The following SLC16A12 variants were observed in gnomAD, a reference collection of about 807,000 sequenced individuals.
SLC16A12 encodes monocarboxylate transporter 12.
A neutral mutation model predicts 42.4 loss-of-function variants in SLC16A12; 17 were observed. That is an observed-to-expected ratio of 0.40 (90% confidence interval 0.27 to 0.60). The LOEUF (loss-of-function observed/expected upper bound fraction) is 0.60. Among genes scored for constraint, SLC16A12 ranks in the 20% least tolerant of loss-of-function variants. SLC16A12 has a pLI of 0.42. For missense variants in SLC16A12, 544 were observed against 623.0 expected (o/e 0.87, Z 1.35); for synonymous variants, 224 against 229.4 (o/e 0.98, Z 0.21).
intron 5 of SLC16A12, among the ~76,000 whole-genome samples, chr10:89,440,533 C>T (rs1841889376): frequency 1.3e-5 from 2 of 152,198 alleles, no homozygotes; most frequent in Non-Finnish European, 2.9e-5. Context: ...CCATTGCAGT[C>T]CCACAATCCT....
chr10:89,537,601 A>G (rs566303209), upstream of SLC16A12, among the ~76,000 whole-genome samples: 1 of 152,344 alleles, frequency 6.6e-6, no homozygotes, highest in South Asian at 2.1e-4. Flanking sequence ...AGAGGCTGCC[A>G]TGAGTGAGCC....
chr10:89,506,584 A>G (rs1380883406), intron 2 of SLC16A12, among the ~76,000 whole-genome samples: 1 of 152,212 alleles, frequency 6.6e-6, no homozygotes, highest in Non-Finnish European at 1.5e-5. Context: ...CCAACATCAA[A>G]GACCAAAGGT....
At chr10:89,527,198 C>T (rs956695528) in intron 2 of SLC16A12, among the ~76,000 whole-genome samples, 4 of 151,932 alleles carry the variant, frequency 2.6e-5, no homozygotes, top group African/African-American at 9.7e-5. Flanking sequence ...AAATAAGGGG[C>T]TGAGTAGGGC....
chr10:89,433,416 A>C, intron 7 of SLC16A12, 90 bp from the exon 8 acceptor site: 1 of 1,314,240 alleles, frequency 7.6e-7, no homozygotes. Context: ...AAGGATAATA[A>C]TAGATCGATA....
At chr10:89,544,119 T>C (rs956539244) in intron 2 of SLC16A12, among the ~76,000 whole-genome samples, 2 of 152,230 alleles carry the variant, frequency 1.3e-5, no homozygotes, top group Non-Finnish European at 2.9e-5. Context: ...AAGCATCTAC[T>C]ATGAACAAAG....
chr10:89,476,030 T>C (rs147620571), intron 2 of SLC16A12, among the ~76,000 whole-genome samples: 1 of 152,366 alleles, frequency 6.6e-6, no homozygotes, highest in African/African-American at 2.4e-5. Flanking sequence ...AATAGGGTTC[T>C]GGTATAACAT....
chr10:89,456,524 T>A (rs983828278), intron 3 of SLC16A12, among the ~76,000 whole-genome samples: 5 of 152,168 alleles, frequency 3.3e-5, no homozygotes, highest in Admixed American at 3.3e-4. Context: ...ATTCTTTTTT[T>A]TTCATTTTTT....
intron 2 of SLC16A12, among the ~76,000 whole-genome samples, chr10:89,471,991 A>T (rs1842501995): frequency 6.6e-6 from 1 of 152,048 alleles, no homozygotes; most frequent in Admixed American, 6.6e-5. Context: ...TATTATTGGG[A>T]TACAGGAATA....
intron 2 of SLC16A12, among the ~76,000 whole-genome samples, chr10:89,474,181 T>C (rs1174777405): frequency 3.9e-5 from 6 of 152,226 alleles, no homozygotes; most frequent in Non-Finnish European, 7.3e-5. Flanking sequence ...TGGAGATCTC[T>C]GTGTATGCCT....
chr10:89,459,645 CA>C (rs1250191592), intron 3 of SLC16A12, among the ~76,000 whole-genome samples: 1 of 151,982 alleles, frequency 6.6e-6, no homozygotes, highest in Admixed American at 6.6e-5. Context: ...TCCTACTAGA[CA>C]AAAAGAAATG....
intron 2 of SLC16A12, among the ~76,000 whole-genome samples, chr10:89,500,075 A>G (rs1325582362): frequency 6.6e-6 from 1 of 152,062 alleles, no homozygotes; most frequent in Non-Finnish European, 1.5e-5. Flanking sequence ...CTGGAAAGAT[A>G]CAACCTCCTA....
chr10:89,433,879 G>A (rs1841734837), intron 7 of SLC16A12, among the ~76,000 whole-genome samples: 2 of 151,918 alleles, frequency 1.3e-5, no homozygotes. Flanking sequence ...ATCTCTTGTT[G>A]CAACAAATTA....
chr10:89,463,601 C>T (rs983988116), intron 2 of SLC16A12, among the ~76,000 whole-genome samples: 1 of 151,758 alleles, frequency 6.6e-6, no homozygotes, highest in African/African-American at 2.4e-5. Context: ...TAAAACAAAC[C>T]AAGATAAAAA....
Position 89,433,082 on chromosome 10 carries a change from AGGCACT to A in SLC16A12, c.1527_1532del (p.Val510_Pro511del). 2 of 1,614,184 alleles carry A rather than the reference AGGCACT, an allele frequency of 1.2e-6. No homozygotes were observed. The highest frequency in any genetic ancestry group is 1.7e-6 in the Non-Finnish European group (2 of 1,180,008). On this transcript the variant is annotated inframe_deletion, in exon 8 of 8. Coordinates refer to ENST00000371790, the MANE Select transcript of SLC16A12 (RefSeq NM_213606.4). ...CCTTTGGTCATGTGAGGCTGTAGCC[AGGCACT>A]GCTGTAGCCACAGGCTCCCCATGTT... is the stretch of plus-strand genomic sequence containing the variant.
At chr10:89,479,820 GATT>G (rs1299864748) in intron 2 of SLC16A12, among the ~76,000 whole-genome samples, 2 of 152,140 alleles carry the variant, frequency 1.3e-5, no homozygotes, top group African/African-American at 2.4e-5. Flanking sequence ...AATATCCTGT[GATT>G]ATTATGATTT....
intron 2 of SLC16A12, among the ~76,000 whole-genome samples, chr10:89,510,493 C>T (rs1243270481): frequency 6.6e-6 from 1 of 152,078 alleles, no homozygotes; most frequent in Non-Finnish European, 1.5e-5. Context: ...GGAAGGATTC[C>T]CTATTTAAAT....
intron 2 of SLC16A12, among the ~76,000 whole-genome samples, chr10:89,473,130 T>C (rs1338573221): frequency 2.0e-5 from 3 of 149,328 alleles, no homozygotes; most frequent in Non-Finnish European, 3.0e-5. Flanking sequence ...CAGCAGTCTT[T>C]TTTTTTTTTT....
At chr10:89,483,733 G>A (rs1589696091) in intron 2 of SLC16A12, among the ~76,000 whole-genome samples, 1 of 122,428 alleles carries the variant, frequency 8.2e-6, no homozygotes, top group East Asian at 2.2e-4. Context: ...GTGAGACGCT[G>A]CCTCTAAAAA....
At chr10:89,463,604 G>C (rs1842339235) in intron 2 of SLC16A12, among the ~76,000 whole-genome samples, 3 of 151,802 alleles carry the variant, frequency 2.0e-5, no homozygotes. Context: ...AACAAACCAA[G>C]ATAAAAAAAA....
Sources: gnomAD v4.1 joint callset for allele counts (sites outside exome capture counted in the v4.1 genomes callset) on GRCh38, gnomAD v4.1.1 for gene constraint, MANE v1.5 for transcripts, NCBI Gene and HGNC (gene_info 2026-07-23, HGNC 2026-07-21) for gene names.